Variants in USH2A observed in about 807,000 individuals in gnomAD.
USH2A encodes Usher syndrome 2A (autosomal recessive, mild).
In USH2A, 443 loss-of-function variants were observed where a neutral mutation model predicts 538.9. The observed-to-expected ratio is 0.82, with a 90% CI of 0.76 to 0.89. USH2A has a LOEUF of 0.89. Ranked by LOEUF, USH2A falls within the 40% of genes least tolerant of loss-of-function variation. The probability of loss-of-function intolerance (pLI) is 0.00; values close to 1 mark genes in which losing one functional copy is unlikely to be tolerated. For synonymous variants in USH2A, 2,413 were observed against 2,273.5 expected (o/e 1.06, Z -1.75); for missense variants, 6,633 against 6,324.8 (o/e 1.05, Z -1.65).
In USH2A at chr1:216,021,658, C is replaced by T. The variant is rs149671756; in HGVS notation, c.6326-21096G>A. Among the ~76,000 whole-genome samples, 250 of 152,270 alleles carry T rather than the reference C, an allele frequency of 1.6e-3. 3 individuals are homozygous for T. In the East Asian group the frequency reaches 0.022, roughly 13 times the overall value. The stretch of plus-strand genomic sequence containing the variant: ...CTTCAGATTTTAGATTTGTCAGCTC[C>T]CACAGTCATGTGAGCCAATTCCTTA... On this transcript the variant is annotated intron_variant, in intron 32 of 71. Coordinates refer to ENST00000307340, the MANE Select transcript of USH2A (RefSeq NM_206933.4).
chr1:216,023,469 A>AAAAAAAAAAAAAAAAAAAAAAAAAAAAC (rs1668890520), intron 32 of USH2A, among the ~76,000 whole-genome samples: 1 of 148,164 alleles, frequency 6.7e-6, no homozygotes, highest in Non-Finnish European at 1.5e-5. Flanking sequence ...CAAAAAAAAA[A>AAAAAAAAAAAAAAAAAAAAAAAAAAAAC]AAAAAAAAAA....
chr1:216,360,358 A>G (rs1214546533), intron 4 of USH2A, among the ~76,000 whole-genome samples: 1 of 152,098 alleles, frequency 6.6e-6, no homozygotes, highest in African/African-American at 2.4e-5. Flanking sequence ...AAAAGGTGAA[A>G]ATACAGAGAC....
At chr1:215,766,544 A>C (rs1241854190) in intron 56 of USH2A, 137 bp downstream of exon 56, 1 of 817,836 alleles carries the variant, frequency 1.2e-6, no homozygotes, top group East Asian at 2.6e-5. Context: ...GAAGAATGGG[A>C]ACCTAGAATG....
Position 215,844,500 on chromosome 1 carries a change from G to A in USH2A, c.9056-4C>T, listed in dbSNP as rs375239189. 25 of 1,606,304 alleles carry A rather than the reference G, an allele frequency of 1.6e-5. No homozygotes were observed. In the African/African-American group the frequency reaches 3.3e-4, roughly 21 times the overall value. ...GGAGGAAGCATGCCCTGAGGCTCTA[G>A]AATTAAAGGAAGAAACTGAATAAAC... On this transcript the variant is annotated splice_region_variant and splice_polypyrimidine_tract_variant and intron_variant, in intron 45 of 71. Transcript: ENST00000307340.
At chr1:216,330,460 A>G (rs2037837367) in intron 4 of USH2A, among the ~76,000 whole-genome samples, 1 of 151,968 alleles carries the variant, frequency 6.6e-6, no homozygotes, top group Non-Finnish European at 1.5e-5. Context: ...ACGTATATCT[A>G]GGGGCAAAAT....
At chr1:215,693,297 G>C (rs937177642) in intron 61 of USH2A, among the ~76,000 whole-genome samples, 1 of 151,744 alleles carries the variant, frequency 6.6e-6, no homozygotes, top group African/African-American at 2.4e-5. Context: ...CCATTTTCTT[G>C]TCTATCCTTC....
At chr1:216,060,367 G>A (rs10746461) in intron 30 of USH2A, among the ~76,000 whole-genome samples, 99,402 of 151,658 alleles carry the variant, frequency 0.66, 33,684 homozygotes, top group African/African-American at 0.83. Flanking sequence ...AAAATTAGAG[G>A]CAGATTTTCA....
chr1:216,040,165 A>G (rs976772866), intron 32 of USH2A, among the ~76,000 whole-genome samples: 6 of 151,990 alleles, frequency 3.9e-5, no homozygotes, highest in Non-Finnish European at 4.4e-5. Context: ...TCCTGATGGA[A>G]CAGCAGTGGG....
chr1:216,102,540 C>G (rs1177335864), intron 21 of USH2A, among the ~76,000 whole-genome samples: 1 of 152,166 alleles, frequency 6.6e-6, no homozygotes, highest in African/African-American at 2.4e-5. Context: ...TGGCTCACGC[C>G]TGTAATCCCA....
chr1:215,919,601 T>C (rs1392479761), intron 38 of USH2A, among the ~76,000 whole-genome samples: 1 of 152,058 alleles, frequency 6.6e-6, no homozygotes, highest in Non-Finnish European at 1.5e-5. Flanking sequence ...AGAGATGGAA[T>C]GTGGCATTTT....
intron 47 of USH2A, among the ~76,000 whole-genome samples, chr1:215,833,159 G>A (rs1663372308): frequency 6.6e-6 from 1 of 151,918 alleles, no homozygotes; most frequent in Non-Finnish European, 1.5e-5. Flanking sequence ...ATTCAATGCA[G>A]TTCTAATCAA....
At chr1:216,034,851 A>C (rs1376470262) in intron 32 of USH2A, among the ~76,000 whole-genome samples, 1 of 152,198 alleles carries the variant, frequency 6.6e-6, no homozygotes, top group Non-Finnish European at 1.5e-5. Flanking sequence ...CTTCAAGAGA[A>C]TACATTTCTA....
intron 21 of USH2A, among the ~76,000 whole-genome samples, chr1:216,127,305 G>C (rs1406409999): frequency 1.3e-5 from 2 of 152,188 alleles, no homozygotes; most frequent in African/African-American, 4.8e-5. Context: ...CTGAGATACA[G>C]AGGAATGGTG....
chr1:215,693,724 T>A (rs1240172122), intron 61 of USH2A, among the ~76,000 whole-genome samples: 3 of 152,178 alleles, frequency 2.0e-5, no homozygotes, highest in African/African-American at 4.8e-5. Flanking sequence ...TCCTCATACA[T>A]CATGGAGCCT....
At chr1:216,111,503 A>G (rs1023871718) in intron 21 of USH2A, among the ~76,000 whole-genome samples, 1 of 152,122 alleles carries the variant, frequency 6.6e-6, no homozygotes, top group African/African-American at 2.4e-5. Flanking sequence ...ACGGATCTAA[A>G]GCATGTTCTT....
At chr1:215,950,976 A>T (rs1666898285) in intron 37 of USH2A, among the ~76,000 whole-genome samples, 1 of 152,070 alleles carries the variant, frequency 6.6e-6, no homozygotes, top group Non-Finnish European at 1.5e-5. Context: ...GTGATCTATC[A>T]ATTTTGTTGA....
intron 37 of USH2A, among the ~76,000 whole-genome samples, chr1:215,939,621 G>A (rs1252744371): frequency 6.6e-6 from 1 of 152,080 alleles, no homozygotes; most frequent in African/African-American, 2.4e-5. Context: ...ATTTTCACAT[G>A]TATGACTCAG....
At chr1:216,280,259 G>A (rs1202178791) in intron 11 of USH2A, among the ~76,000 whole-genome samples, 1 of 151,914 alleles carries the variant, frequency 6.6e-6, no homozygotes, top group Non-Finnish European at 1.5e-5. Flanking sequence ...CACATAATAT[G>A]TACCTGAACT....
At chr1:216,335,076 A>G (rs1205275007) in intron 4 of USH2A, among the ~76,000 whole-genome samples, 1 of 151,754 alleles carries the variant, frequency 6.6e-6, no homozygotes, top group Non-Finnish European at 1.5e-5. Flanking sequence ...CTATAAATTT[A>G]AAATAACTGA....
Sources: gnomAD v4.1 joint callset for allele counts (sites outside exome capture counted in the v4.1 genomes callset) on GRCh38, gnomAD v4.1.1 for gene constraint, MANE v1.5 for transcripts, NCBI Gene and HGNC (gene_info 2026-07-23, HGNC 2026-07-21) for gene names.